The following LAMC2 variants were observed in gnomAD, a reference collection of about 807,000 sequenced individuals.
LAMC2 encodes the protein laminin subunit gamma-2.
Under a neutral mutation model 140.2 loss-of-function variants are expected in LAMC2, and 97 were observed. The ratio of observed to expected loss-of-function variants is 0.69; its 90% CI spans 0.59 to 0.82. LAMC2 has a LOEUF of 0.82. Among genes scored for constraint, LAMC2 ranks in the 40% least tolerant of loss-of-function variants. The pLI, the probability that LAMC2 is intolerant of heterozygous loss-of-function variation, is 0.00. For missense variants in LAMC2, 1,402 were observed against 1,476.1 expected (o/e 0.95, Z 0.82); for synonymous variants, 513 against 540.2 (o/e 0.95, Z 0.70).
At chr1:183,234,523 G>A in intron 15 of LAMC2, 77 bp downstream of exon 15, 1 of 1,138,724 alleles carries the variant, frequency 8.8e-7, no homozygotes, top group Non-Finnish European at 1.3e-6. Flanking sequence ...TAGGGTATTA[G>A]GGACCCAAGC....
In LAMC2 at chr1:183,228,482, G is replaced by C. The variant is rs761127417; in HGVS notation, c.1577G>C (p.Ser526Thr). The C allele has an allele frequency of 5.0e-6, 8 of 1,614,012 alleles. No homozygotes were observed. Among genetic ancestry groups the C allele is most frequent in the Non-Finnish European group, 5.9e-6 (7 of 1,180,020 alleles). Residue 526 changes from serine to threonine, a missense_variant, in exon 11 of 23, where the codon AGT (serine) becomes ACT (threonine). Around this residue, in one of 3 missense-constraint regions of LAMC2, gnomAD observed 723 missense variants for 783.3 expected, o/e 0.92. Transcript: ENST00000264144. The surrounding 1 kb of genome is among the most constrained non-coding windows in gnomAD (Gnocchi z 4.3). Reference protein sequence around the residue: ...PCQCNNNVDPSASGNCDRLTG... With the variant: ...PCQCNNNVDPTASGNCDRLTG... Reference sequence around the variant, plus strand: ...CAATGCAACAACAATGTGGACCCCAGTGCCTCTGGGAATTGTGACCGGCTG... The same window carrying C: ...CAATGCAACAACAATGTGGACCCCACTGCCTCTGGGAATTGTGACCGGCTG...
intron 1 of LAMC2, among the ~76,000 whole-genome samples, chr1:183,192,595 C>A (rs1658377774): frequency 1.3e-5 from 2 of 152,134 alleles, no homozygotes; most frequent in African/African-American, 4.8e-5. Context: ...ATGTTTCATC[C>A]TTTTATAGGT....
In LAMC2 at chr1:183,238,371, T is replaced by C. The variant is rs774434444; in HGVS notation, c.2819T>C (p.Met940Thr). ...AKSRAQEALS[M>T]GNATFYEVES... ...AGCAGAGCACAAGAAGCACTGAGTA[T>C]GGGCAATGCCACTTTTTATGAAGTT... Residue 940 changes from methionine to threonine, a missense_variant, in exon 19 of 23, where the codon ATG becomes ACG. Met to Thr is a moderately conservative substitution (Grantham distance 81). Coordinates refer to ENST00000264144, the MANE Select transcript of LAMC2 (RefSeq NM_005562.3). The C allele has an allele frequency of 6.8e-5, 110 of 1,613,998 alleles. 1 individual carries two copies. Among genetic ancestry groups the C allele is most frequent in the Non-Finnish European group, 9.1e-5 (107 of 1,179,970 alleles).
chr1:183,187,646 G>A (rs986884656), intron 1 of LAMC2, among the ~76,000 whole-genome samples: 2 of 152,144 alleles, frequency 1.3e-5, no homozygotes, highest in East Asian at 3.8e-4. Flanking sequence ...TAAATAAAAG[G>A]TTCTGAAAAT....
intron 1 of LAMC2, among the ~76,000 whole-genome samples, chr1:183,199,088 T>C (rs1159459051): frequency 2.0e-5 from 3 of 150,256 alleles, no homozygotes; most frequent in Non-Finnish European, 3.0e-5. Context: ...CAGGTTCTTG[T>C]TGGCTTTTCT....
Position 183,240,042 on chromosome 1 carries a change from G to A in LAMC2, c.3072G>A (p.Glu1024=), listed in dbSNP as rs947287099. ...CCTGGCTCCTTTTCTTCTCTCAGGA[G>A]ATTGGGAGTCTGAACTTGGAAGCCA... ...ALEISSEIEQ[E]IGSLNLEANV... is the part of the protein sequence containing the mutation. The change falls in exon 21 of 23, where the codon GAG becomes GAA. Residue 1024 remains glutamate (E), a splice_region_variant and synonymous_variant. Transcript: ENST00000264144. 1.2e-6 allele frequency: 2 copies of A among 1,614,014 alleles called. No homozygotes were observed. The highest frequency in any genetic ancestry group is 2.7e-5 in the African/African-American group (2 of 74,900).
downstream of LAMC2, among the ~76,000 whole-genome samples, chr1:183,247,191 A>C (rs1479147286): frequency 6.6e-6 from 1 of 152,198 alleles, no homozygotes; most frequent in East Asian, 1.9e-4. Context: ...AGGCGCCTGT[A>C]ATCCCAGTTA....
intron 1 of LAMC2, among the ~76,000 whole-genome samples, chr1:183,193,596 C>T (rs964430208): frequency 2.6e-5 from 4 of 152,230 alleles, no homozygotes; most frequent in Admixed American, 6.5e-5. Context: ...GTTTAAAAAT[C>T]GTTTTTCATC....
chr1:183,243,534 C>G lies in LAMC2; in HGVS notation c.*134C>G. 9.0e-7 allele frequency: 1 copy of G among 1,113,816 alleles called. No homozygotes were observed. The highest frequency in any genetic ancestry group is 1.8e-5 in the Admixed American group (1 of 56,100). 69.0% of individuals were successfully genotyped at this position (1,113,816 alleles called of 1,614,324 possible). ...GTATGCTCAGGTCAACTGACCTGAC[C>G]CCATTCCTGATCCCATGGCCAGGTG... On this transcript the variant is annotated 3_prime_UTR_variant, in exon 23 of 23. Transcript: ENST00000264144.
At chr1:183,238,523 G>A (rs1322432531) in intron 19 of LAMC2, 102 bp downstream of exon 19, 1 of 760,082 alleles carries the variant, frequency 1.3e-6, no homozygotes, top group African/African-American at 1.7e-5. Context: ...AGGTATATTG[G>A]GATATTAATA....
the LAMC2 span, chr1:183,252,650 G>A: frequency 6.2e-6 from 10 of 1,612,610 alleles, no homozygotes; most frequent in African/African-American, 4.0e-5. Context: ...GCTAGCCGGA[G>A]GCATTGATGT....
rs1571506568 is a variant in LAMC2 at position 183,202,226 on chromosome 1, A to AAC, written c.80-5654_80-5653insCA. Reference sequence around the variant, plus strand: ...AAAACAGCAACAACAACAACAACAAAAAAAAAAAAACAAAGAAAACCACAC... The same window carrying AAC: ...AAAACAGCAACAACAACAACAACAAAACAAAAAAAAAACAAAGAAAACCACAC... On this transcript the variant is annotated intron_variant, in intron 1 of 22. Coordinates refer to ENST00000264144, the MANE Select transcript of LAMC2 (RefSeq NM_005562.3). Among the ~76,000 whole-genome samples, 8 of 148,484 alleles carry AAC rather than the reference A, an allele frequency of 5.4e-5. No homozygotes were observed. The East Asian group carries it at 9.9e-4, about 18-fold the overall frequency.
chr1:183,225,607 G>A lies in LAMC2; in HGVS notation c.954-1G>A, dbSNP rs149195906. 6.2e-7 allele frequency: 1 copy of A among 1,600,366 alleles called. No individual in the cohort carries two copies. Among genetic ancestry groups the A allele is most frequent in the African/African-American group, 1.3e-5 (1 of 74,618 alleles). ...AAAGCTTTTGATTTTAAATTATGCA[G>A]GTTAAATGAGCATCCAAGCAATAAT... On this transcript the variant is annotated splice_acceptor_variant, in intron 7 of 22. Transcript: ENST00000264144. LOFTEE classifies it high-confidence loss of function.
intron 2 of LAMC2, among the ~76,000 whole-genome samples, chr1:183,208,319 T>A (rs635796): frequency 7.2e-5 from 11 of 152,100 alleles, no homozygotes; most frequent in African/African-American, 2.7e-4. Context: ...GTGGAACCAG[T>A]TGGGACCTTG....
At chr1:183,252,874 G>C in the LAMC2 span, 6 of 655,076 alleles carry the variant, frequency 9.2e-6, no homozygotes, top group Non-Finnish European at 1.4e-5. Flanking sequence ...TCTGTATTAG[G>C]AAAGGCCCTC....
chr1:183,217,223 G>A (rs1659298286), intron 3 of LAMC2, among the ~76,000 whole-genome samples: 1 of 152,096 alleles, frequency 6.6e-6, no homozygotes, highest in African/African-American at 2.4e-5. Flanking sequence ...CAATAAACTT[G>A]GTTTTTGAGC....
At chr1:183,215,178 G>T (rs1659212760) in intron 2 of LAMC2, among the ~76,000 whole-genome samples, 1 of 152,106 alleles carries the variant, frequency 6.6e-6, no homozygotes, top group South Asian at 2.1e-4. Flanking sequence ...CTTTTAAAAA[G>T]CAGTGAGCAA....
chr1:183,240,270 G>T (rs750454650), intron 21 of LAMC2, 22 bp from the exon 22 acceptor site: 17 of 1,614,086 alleles, frequency 1.1e-5, no homozygotes, highest in Non-Finnish European at 1.4e-5. Context: ...TTCAAGGCTG[G>T]TTTGTGCTTA....
intron 16 of LAMC2, among the ~76,000 whole-genome samples, chr1:183,236,019 G>A (rs766172403): frequency 6.6e-6 from 1 of 152,122 alleles, no homozygotes; most frequent in Middle Eastern, 3.2e-3. Context: ...CCCATCTGAT[G>A]GCATGGGGAG....
Sources: gnomAD v4.1 joint callset for allele counts (sites outside exome capture counted in the v4.1 genomes callset) on GRCh38, gnomAD v4.1.1 for gene constraint, gnomAD v4.1.1 regional missense constraint, Gnocchi (gnomAD v3.1) non-coding constraint, MANE v1.5 for transcripts, NCBI Gene and HGNC (gene_info 2026-07-23, HGNC 2026-07-21) for gene names.